The following PRKAG2 variants were observed in gnomAD, a reference collection of about 807,000 sequenced individuals.
The protein encoded by PRKAG2 is protein kinase AMP-activated non-catalytic subunit gamma 2.
A neutral mutation model predicts 69.6 loss-of-function variants in PRKAG2; 26 were observed. The observed-to-expected ratio is 0.37, with a 90% confidence interval of 0.27 to 0.52. The LOEUF (loss-of-function observed/expected upper bound fraction) is 0.52, where lower values mean the gene tolerates loss of function less well. Among genes scored for constraint, PRKAG2 ranks in the 20% least tolerant of loss-of-function variants. The pLI is 0.90. For synonymous variants in PRKAG2, 293 were observed against 285.0 expected, an observed-to-expected ratio of 1.03 and a Z score of -0.28; for missense variants, 557 against 740.0, an observed-to-expected ratio of 0.75 and a Z score of 2.87.
chr7:151,659,960 G>A (rs896213308), intron 4 of PRKAG2, among the ~76,000 whole-genome samples: 32 of 152,208 alleles, frequency 2.1e-4, no homozygotes, highest in African/African-American at 4.3e-4. Flanking sequence ...TCGGGAGGCC[G>A]AGGTGGGAGG....
intron 1 of PRKAG2, among the ~76,000 whole-genome samples, chr7:151,795,876 T>TAC (rs1450051905): frequency 8.9e-6 from 1 of 112,840 alleles, no homozygotes; most frequent in Non-Finnish European, 1.8e-5. Context: ...TATATATATA[T>TAC]ATATATATAT....
Position 151,855,452 on chromosome 7 carries a change from CATCCTCCACACACACCAT to C in PRKAG2, c.114+21037_114+21054del, listed in dbSNP as rs2079734500. 4.0e-3 allele frequency among the ~76,000 whole-genome samples: 268 copies of C among 67,702 alleles called. 42 individuals carry two copies. In the East Asian group the frequency reaches 0.13, roughly 33 times the overall value. 44.4% of individuals were successfully genotyped at this position (67,702 alleles called of 152,430 possible). On this transcript the variant is annotated intron_variant, in intron 1 of 15. Coordinates refer to ENST00000287878, the MANE Select transcript of PRKAG2 (RefSeq NM_016203.4). ...CACACACACCGCCCTCCACACACACCATCCTCCACACACACCATGCTCCACACACCACCCTCCACACAC... is the reference window on the plus strand; with the variant it reads ...CACACACACCGCCCTCCACACACACCGCTCCACACACCACCCTCCACACAC...
chr7:151,596,012 T>TAATAA (rs907438893), intron 5 of PRKAG2, among the ~76,000 whole-genome samples: 2 of 150,770 alleles, frequency 1.3e-5, no homozygotes, highest in African/African-American at 2.4e-5. Flanking sequence ...TCTACAAAAC[T>TAATAA]AATAAAATAA....
chr7:151,706,584 C>T (rs1838650022), intron 3 of PRKAG2, among the ~76,000 whole-genome samples: 1 of 152,222 alleles, frequency 6.6e-6, no homozygotes, highest in Non-Finnish European at 1.5e-5. Flanking sequence ...CCTGACCTGC[C>T]TCCTGCTTTG....
chr7:151,756,427 T>C lies in PRKAG2; in HGVS notation c.466+24725A>G, dbSNP rs1170447493. Among the ~76,000 whole-genome samples the C allele has an allele frequency of 6.6e-6, 1 of 152,188 alleles. No individual in the cohort carries two copies. Among genetic ancestry groups the C allele is most frequent in the African/African-American group, 2.4e-5 (1 of 41,440 alleles). ...CATCTCGGGCACCCCGCTCAGCACA[T>C]GGCTCAGGCACACGCAACGACTCAG... is the stretch of plus-strand genomic sequence containing the variant. On this transcript the variant is annotated intron_variant, in intron 3 of 15. Transcript: ENST00000287878. This position sits in a 1 kb window ranked among gnomAD's most constrained non-coding sequence, Gnocchi z 4.9.
chr7:151,559,248 T>C (rs1804411592), intron 15 of PRKAG2: 1 of 974,048 alleles, frequency 1.0e-6, no homozygotes. Flanking sequence ...CAATCCTGTA[T>C]CGTATTCCAT....
At chr7:151,785,755 C>T (rs943740748) in intron 2 of PRKAG2, among the ~76,000 whole-genome samples, 1 of 152,164 alleles carries the variant, frequency 6.6e-6, no homozygotes, top group Non-Finnish European at 1.5e-5. Flanking sequence ...CCCACCCTTA[C>T]TTCCTGGCTG....
chr7:151,854,497 G>T (rs963689546), intron 1 of PRKAG2, among the ~76,000 whole-genome samples: 4 of 152,224 alleles, frequency 2.6e-5, no homozygotes, highest in Admixed American at 1.3e-4. Context: ...CAGGCACAGG[G>T]AGGCATTTGG....
At chr7:151,724,515 G>T (rs2536072) in intron 3 of PRKAG2, among the ~76,000 whole-genome samples, 66,652 of 152,030 alleles carry the variant, frequency 0.44, 16,053 homozygotes, top group East Asian at 0.89. Context: ...CTCAGAGCCC[G>T]AGGATGGGAA....
chr7:151,558,907 G>C, intron 15 of PRKAG2: 1 of 985,462 alleles, frequency 1.0e-6, no homozygotes, highest in Non-Finnish European at 1.2e-6. Flanking sequence ...AAGAAACAGA[G>C]AGGATGAATC....
intron 3 of PRKAG2, among the ~76,000 whole-genome samples, chr7:151,698,934 C>T (rs562598739): frequency 4.0e-4 from 61 of 152,284 alleles, no homozygotes; most frequent in African/African-American, 1.4e-3. Context: ...CCCTGAGATG[C>T]CACGTGGAAC....
At chr7:151,700,471 G>T (rs959280991) in intron 3 of PRKAG2, among the ~76,000 whole-genome samples, 1 of 152,172 alleles carries the variant, frequency 6.6e-6, no homozygotes, top group Non-Finnish European at 1.5e-5. Context: ...GTAGGCCAGG[G>T]GTTCCGAATT....
intron 1 of PRKAG2, among the ~76,000 whole-genome samples, chr7:151,875,944 G>A (rs1337530275): frequency 1.3e-5 from 2 of 152,032 alleles, no homozygotes; most frequent in Non-Finnish European, 2.9e-5. Context: ...AACGGCGGCA[G>A]AGGAGACCCC....
chr7:151,584,078 A>G (rs1220173161), intron 6 of PRKAG2, among the ~76,000 whole-genome samples: 1 of 152,186 alleles, frequency 6.6e-6, no homozygotes, highest in Non-Finnish European at 1.5e-5. Flanking sequence ...ACGGTCGTCG[A>G]GACTCTTCTC....
rs78291918 is a variant in PRKAG2 at position 151,781,867 on chromosome 7, G to A, written c.187-436C>T. Among the ~76,000 whole-genome samples, 28,359 of 152,064 alleles carry A rather than the reference G, an allele frequency of 0.19. 2,842 individuals carry two copies. Among genetic ancestry groups the A allele is most frequent in the East Asian group, 0.31 (1,581 of 5,160 alleles). ...AGATCCCTATGTTCCAGAACAGAGC[G>A]GGCCTGGAGCTCCATCCTGAGACCT... is the stretch of plus-strand genomic sequence containing the variant. On this transcript the variant is annotated intron_variant, in intron 2 of 15. Coordinates refer to ENST00000287878, the MANE Select transcript of PRKAG2 (RefSeq NM_016203.4). The surrounding 1 kb of genome is among the most constrained non-coding windows in gnomAD (Gnocchi z 6.1).
intron 1 of PRKAG2, among the ~76,000 whole-genome samples, chr7:151,818,660 C>G (rs6975104): frequency 0.69 from 104,265 of 152,162 alleles, 35,869 homozygotes; most frequent in South Asian, 0.8. Context: ...CCTGCAAGAT[C>G]TGTGCAGGGG....
In PRKAG2 at chr7:151,804,715, T is replaced by C. The variant is rs147011615; in HGVS notation, c.115-18174A>G. ...GGCATCTGTGTAACCCAAATTGACA[T>C]TTGTTTTCTTTATTCCGTGGTGTTC... On this transcript the variant is annotated intron_variant, in intron 1 of 15. Transcript: ENST00000287878. 7.8e-3 allele frequency among the ~76,000 whole-genome samples: 1,190 copies of C among 152,282 alleles called. 8 individuals are homozygous for C. Among genetic ancestry groups the C allele is most frequent in the Middle Eastern group, 0.014 (4 of 294 alleles).
At position 151,753,719 on chromosome 7, in the gene PRKAG2, A is replaced by G. The variant is rs150126773; in HGVS notation, c.466+27433T>C. On this transcript the variant is annotated intron_variant, in intron 3 of 15. Transcript: ENST00000287878. ...AGCGTGAGCCACCTCGCCCAGCCCTAAAGTGTTATTTTAAAAAAGGAATTA... is the reference window on the plus strand; with the variant it reads ...AGCGTGAGCCACCTCGCCCAGCCCTGAAGTGTTATTTTAAAAAAGGAATTA... Among the ~76,000 whole-genome samples the G allele has an allele frequency of 3.9e-3, 594 of 152,190 alleles. 2 individuals carry two copies. Among genetic ancestry groups the G allele is most frequent in the African/African-American group, 0.013 (555 of 41,530 alleles).
intron 5 of PRKAG2, among the ~76,000 whole-genome samples, chr7:151,625,499 G>A (rs1164728962): frequency 6.6e-6 from 1 of 152,174 alleles, no homozygotes; most frequent in East Asian, 1.9e-4. Flanking sequence ...TGAAAGCGAT[G>A]GGATTAGAAA....
Sources: gnomAD v4.1 joint callset for allele counts (sites outside exome capture counted in the v4.1 genomes callset) on GRCh38, gnomAD v4.1.1 for gene constraint, Gnocchi (gnomAD v3.1) non-coding constraint, MANE v1.5 for transcripts, NCBI Gene and HGNC (gene_info 2026-07-23, HGNC 2026-07-21) for gene names.